SASH3: variants seen among roughly 807,000 people sequenced by gnomAD.
SASH3 encodes SAM and SH3 domain containing 3, also known as SAM and SH3 domain-containing protein 3.
SASH3 carries 7 observed loss-of-function variants against 26.1 expected under a neutral mutation model. That is an observed-to-expected ratio of 0.27 (90% CI 0.15 to 0.50). The LOEUF is 0.50. Among genes scored for constraint, SASH3 ranks in the 20% least tolerant of loss-of-function variants. The pLI is 0.98. For synonymous variants in SASH3, 138 were observed against 136.8 expected (o/e 1.01, Z -0.06); for missense variants, 231 against 318.3 (o/e 0.73, Z 2.09).
In SASH3 at chrX:129,793,381, C is replaced by T. The variant is rs1343346335; in HGVS notation, c.952+242C>T. The stretch of plus-strand genomic sequence containing the variant: ...CCCTTAAGGCCAAAGAAGGCAAAGC[C>T]TTACTTGAGGCCTCAAAGCTGAGTA... On this transcript the variant is annotated intron_variant, in intron 7 of 7. Coordinates refer to ENST00000356892, the MANE Select transcript of SASH3 (RefSeq NM_018990.4). Among the ~76,000 whole-genome samples, 3 of 112,699 alleles carry T rather than the reference C, an allele frequency of 2.7e-5. No homozygotes were observed. The East Asian group carries it at 8.3e-4, about 31-fold the overall frequency.
Position 129,780,108 on chromosome X carries a change from G to A in SASH3, c.11G>A (p.Arg4His), listed in dbSNP as rs768613358. ...CCAGGGTGGAGGACCATGCTGCGCC[G>A]CAAGCCCTCCAATGCCAGTGAGAAG... MLR[R>H]KPSNASEKEP... is the part of the protein sequence containing the mutation. The change falls in exon 1 of 8, where the codon CGC becomes CAC. Residue 4 changes from arginine (R) to histidine (H), a missense_variant. Transcript: ENST00000356892. 2.2e-5 allele frequency: 27 copies of A among 1,208,811 alleles called. No individual in the cohort carries two copies. Among genetic ancestry groups the A allele is most frequent in the Admixed American group, 1.5e-4 (7 of 45,746 alleles).
chrX:129,787,100 G>A (rs185047025), intron 1 of SASH3, among the ~76,000 whole-genome samples: 193 of 110,740 alleles, frequency 1.7e-3, no homozygotes, highest in Admixed American at 5.8e-3. Flanking sequence ...TCAGGAGTTC[G>A]AGACCAGCCT....
At chrX:129,789,665 CAG>C (rs771256144) in intron 3 of SASH3, among the ~76,000 whole-genome samples, 1 of 111,225 alleles carries the variant, frequency 9.0e-6, no homozygotes, top group Non-Finnish European at 1.9e-5. Context: ...AGAGAGAAAA[CAG>C]AGAAGGCTGG....
intron 1 of SASH3, among the ~76,000 whole-genome samples, chrX:129,784,974 T>C (rs1398829391): frequency 9.1e-6 from 1 of 109,713 alleles, no homozygotes; most frequent in Admixed American, 9.8e-5. Flanking sequence ...ACTCAATGTA[T>C]ATTTCAAATG....
intron 2 of SASH3, 67 bp downstream of exon 2, chrX:129,788,137 G>GGGGGGGGGGGCTGGC: frequency 2.8e-6 from 1 of 354,275 alleles, no homozygotes; most frequent in Non-Finnish European, 5.4e-6. Context: ...GGGTGGGAGG[G>GGGGGGGGGGGCTGGC]AAGAGGGTGA....
chrX:129,792,723 G>C lies in SASH3; in HGVS notation c.688G>C (p.Asp230His). The C allele has an allele frequency of 4.1e-6, 5 of 1,211,273 alleles. No homozygotes were observed. Among genetic ancestry groups the C allele is most frequent in the Non-Finnish European group, 5.6e-6 (5 of 895,565 alleles). The change falls in exon 6 of 8, where the codon GAT becomes CAT. Residue 230 changes from aspartate to histidine, a missense_variant. Asp to His is a moderately conservative substitution (Grantham distance 81, BLOSUM62 -1). Coordinates refer to ENST00000356892, the MANE Select transcript of SASH3 (RefSeq NM_018990.4). ...GGGCTCTTTCAAATTCATCTATGTG[G>C]ATGTGCTGCCCGAGGAGGCCGTGGG... ...KVGSFKFIYVDVLPEEAVGHA... is the reference protein window; with the variant it reads ...KVGSFKFIYVHVLPEEAVGHA...
chrX:129,791,129 T>C (rs1428054981), intron 4 of SASH3, 48 bp downstream of exon 4: 1 of 1,177,299 alleles, frequency 8.5e-7, no homozygotes, highest in Admixed American at 2.2e-5. Context: ...AGGAAAGGAC[T>C]GGGTTACAGC....
At chrX:129,789,141 GAAAGAAAGAAAGAAAGAAAGAAAGAGAA>G (rs1927173838) in intron 3 of SASH3, among the ~76,000 whole-genome samples, 2 of 55,369 alleles carry the variant, frequency 3.6e-5, no homozygotes, top group South Asian at 2.2e-3. Context: ...AAGAAAGAAA[GAAAGAAAGAAAGAAAGAAAGAAAGAGAA>G]AAAAAAAAAA....
chrX:129,793,265 C>T (rs1234688951), intron 7 of SASH3, 126 bp downstream of exon 7: 3 of 762,345 alleles, frequency 3.9e-6, no homozygotes, highest in Middle Eastern at 3.6e-4. Context: ...TGGAAAGGTA[C>T]TTTCCACTTG....
At chrX:129,788,344 G>T in intron 2 of SASH3, 87 bp from the exon 3 acceptor site, 1 of 1,036,716 alleles carries the variant, frequency 9.6e-7, no homozygotes, top group Non-Finnish European at 1.3e-6. Context: ...TCCAGCTTCT[G>T]CTGTGACCCC....
intron 1 of SASH3, 66 bp downstream of exon 1, chrX:129,780,220 C>G: frequency 1.9e-6 from 2 of 1,038,241 alleles, no homozygotes; most frequent in Non-Finnish European, 2.7e-6. Context: ...CCTTCCAAGA[C>G]TCTTGGAAGT....
chrX:129,788,126 G>T, intron 2 of SASH3, 56 bp downstream of exon 2: 1 of 752,153 alleles, frequency 1.3e-6, no homozygotes, highest in South Asian at 2.4e-5. Context: ...CAGGGGGGTG[G>T]GGGTGGGAGG....
At chrX:129,786,336 A>T (rs1323585363) in intron 1 of SASH3, among the ~76,000 whole-genome samples, 2 of 112,132 alleles carry the variant, frequency 1.8e-5, no homozygotes, top group African/African-American at 6.5e-5. Context: ...GCTACACTGC[A>T]GTCCCCAGGA....
chrX:129,792,527 A>G (rs770046870), intron 5 of SASH3, 51 bp downstream of exon 5: 17 of 1,208,081 alleles, frequency 1.4e-5, no homozygotes, highest in Non-Finnish European at 1.9e-5. Context: ...GTGCCCAAAA[A>G]GGAAGCTGGA....
At chrX:129,789,595 C>T (rs1181546330) in intron 3 of SASH3, among the ~76,000 whole-genome samples, 1 of 110,989 alleles carries the variant, frequency 9.0e-6, no homozygotes. Context: ...CAAGATCACA[C>T]CACTGCACTC....
rs371758200 is a variant in SASH3, at chrX:129,791,020, G to A, written c.381G>A (p.Ala127=). The part of the protein sequence containing the change: ...SLDSPGPEKM[A]LAFSEQEEHE... ...ACAGCCCTGGCCCTGAGAAGATGGC[G>A]CTGGCCTTTTCTGAGCAAGAGGAGC... Residue 127 remains alanine, a synonymous_variant, in exon 4 of 8, where the codon GCG becomes GCA. Coordinates refer to ENST00000356892, the MANE Select transcript of SASH3 (RefSeq NM_018990.4). The A allele has an allele frequency of 1.8e-5, 22 of 1,209,971 alleles. No homozygotes were observed. The African/African-American group carries it at 1.9e-4, about 11-fold the overall frequency.
chrX:129,782,727 G>A (rs1228461463), intron 1 of SASH3, among the ~76,000 whole-genome samples: 1 of 111,872 alleles, frequency 8.9e-6, no homozygotes, highest in South Asian at 3.7e-4. Context: ...GGAGAGCTCC[G>A]TGGGGCAGAC....
In SASH3 at chrX:129,792,485, A is replaced by G. The variant is rs1927248906; in HGVS notation, c.591+9A>G. ...ACTCGCTGAAACTGCAGGTAAGATCAGCATCCGGGCTTCTCTGGAGCCTGG... is the reference window on the plus strand; with the variant it reads ...ACTCGCTGAAACTGCAGGTAAGATCGGCATCCGGGCTTCTCTGGAGCCTGG... On this transcript the variant is annotated intron_variant, in intron 5 of 7. Transcript: ENST00000356892. 8.3e-7 allele frequency: 1 copy of G among 1,211,880 alleles called. No homozygotes were observed.
At chrX:129,789,169 A>AAGAAAGAAAGAAAGAGAAAG (rs112301444) in intron 3 of SASH3, among the ~76,000 whole-genome samples, 30 of 36,376 alleles carry the variant, frequency 8.2e-4, no homozygotes, top group Middle Eastern at 0.016. Context: ...AAGAAAGAGA[A>AAGAAAGAAAGAAAGAGAAAG]AAAAAAAAAA....
Sources: allele counts gnomAD v4.1 joint callset (sites outside exome capture counted in the v4.1 genomes callset), GRCh38; gene constraint gnomAD v4.1.1; transcripts MANE v1.5; gene names NCBI Gene and HGNC (gene_info 2026-07-23, HGNC 2026-07-21).